OR4F16: variants seen among roughly 807,000 people sequenced by gnomAD.
OR4F16 encodes the protein olfactory receptor 4F3/4F16/4F29.
At chr1:702,438 A>T in the OR4F16 span, 2 of 144,398 alleles carry the variant, frequency 1.4e-5, no homozygotes, top group Non-Finnish European at 3.0e-5. Context: ...CCTAATTATG[A>T]TTTCTTTGTA....
the OR4F16 span, among the ~76,000 whole-genome samples, chr1:680,264 G>A: frequency 2.2e-5 from 1 of 45,604 alleles, no homozygotes; most frequent in African/African-American, 9.0e-5. Flanking sequence ...ATACTGAATG[G>A]TGAAAAACTG....
chr1:690,124 A>G (rs1643038042), upstream of OR4F16, among the ~76,000 whole-genome samples: 1 of 106,624 alleles, frequency 9.4e-6, no homozygotes, highest in Non-Finnish European at 1.8e-5. Context: ...TTCTTTGAAA[A>G]GCACAGATGA....
the OR4F16 span, chr1:701,976 A>T: frequency 1.3e-5 from 2 of 149,568 alleles, no homozygotes; most frequent in Non-Finnish European, 3.0e-5. Context: ...GAAAAACACA[A>T]ATCTTTCATT....
the OR4F16 span, among the ~76,000 whole-genome samples, chr1:692,980 T>A: frequency 2.4e-5 from 3 of 126,166 alleles, no homozygotes; most frequent in African/African-American, 9.9e-5. Context: ...AAGTACAAAT[T>A]CAACATGTAA....
the OR4F16 span, among the ~76,000 whole-genome samples, chr1:701,738 C>T: frequency 2.7e-5 from 4 of 149,718 alleles, no homozygotes; most frequent in East Asian, 2.0e-4. Context: ...CTCATGAACA[C>T]AAAGAATAAA....
chr1:701,564 G>A, the OR4F16 span, among the ~76,000 whole-genome samples: 1 of 150,256 alleles, frequency 6.7e-6, no homozygotes, highest in Non-Finnish European at 1.5e-5. Flanking sequence ...TTATATGCAG[G>A]CTGTACATAT....
chr1:702,306 C>T, the OR4F16 span: 1 of 142,814 alleles, frequency 7.0e-6, no homozygotes, highest in Non-Finnish European at 1.5e-5. Flanking sequence ...AAAATCACGC[C>T]ATTGCACTCC....
chr1:701,658 A>G, the OR4F16 span, among the ~76,000 whole-genome samples: 2 of 150,076 alleles, frequency 1.3e-5, no homozygotes, highest in African/African-American at 5.0e-5. Context: ...TATCCTTAGC[A>G]AACTAATGCA....
the OR4F16 span, among the ~76,000 whole-genome samples, chr1:701,631 A>G: frequency 2.0e-5 from 3 of 149,970 alleles, 1 homozygote; most frequent in African/African-American, 7.5e-5. Flanking sequence ...TTGCTGGAAC[A>G]TGGATGGACC....
chr1:702,345 C>T, the OR4F16 span: 1 of 146,592 alleles, frequency 6.8e-6, no homozygotes. Flanking sequence ...AAGACTCTGT[C>T]GGGGAAAAAA....
At chr1:715,452 G>A in the OR4F16 span, among the ~76,000 whole-genome samples, 1 of 18,396 alleles carries the variant, frequency 5.4e-5, no homozygotes, top group East Asian at 1.0e-3. Flanking sequence ...TAGAAAATTG[G>A]CTAAGTTGTG....
At chr1:702,399 CTATTGTGTGTTAA>C in the OR4F16 span, 11 of 149,590 alleles carry the variant, frequency 7.4e-5, no homozygotes, top group Non-Finnish European at 7.4e-5. Flanking sequence ...AGTGTTACCA[CTATTGTGTGTTAA>C]TATTGTAGAA....
chr1:713,988 CATT>C, the OR4F16 span, among the ~76,000 whole-genome samples: 1 of 142,190 alleles, frequency 7.0e-6, no homozygotes, highest in Non-Finnish European at 1.5e-5. Context: ...TTATACTGGG[CATT>C]ATATACACAT....
At chr1:691,336 G>T (rs1643061327), upstream of OR4F16, among the ~76,000 whole-genome samples, 1 of 151,588 alleles carries the variant, frequency 6.6e-6, no homozygotes, top group Non-Finnish European at 1.5e-5. Flanking sequence ...ATTAGACCTG[G>T]CTTTAGGTAA....
chr1:701,311 T>G, the OR4F16 span, among the ~76,000 whole-genome samples: 1 of 149,952 alleles, frequency 6.7e-6, no homozygotes, highest in Non-Finnish European at 1.5e-5. Context: ...AGTCATATTC[T>G]GATGGGAGAA....
the OR4F16 span, chr1:702,299 A>T: frequency 2.3e-4 from 33 of 143,864 alleles, no homozygotes. Context: ...GTGAGCCAAA[A>T]TCACGCCATT....
upstream of OR4F16, among the ~76,000 whole-genome samples, chr1:691,254 T>C (rs1279813661): frequency 6.6e-6 from 1 of 152,032 alleles, no homozygotes; most frequent in Non-Finnish European, 1.5e-5. Flanking sequence ...GAGGCCTACC[T>C]ACATAAGTGA....
chr1:690,546 G>T (rs1473342723), upstream of OR4F16, among the ~76,000 whole-genome samples: 21 of 144,178 alleles, frequency 1.5e-4, no homozygotes, highest in African/African-American at 5.4e-4. Context: ...GGTTGACCAG[G>T]CCTGATTTTT....
the OR4F16 span, among the ~76,000 whole-genome samples, chr1:702,664 G>A: frequency 6.7e-5 from 2 of 29,716 alleles, no homozygotes; most frequent in Non-Finnish European, 7.0e-5. Flanking sequence ...TAAATCTGTG[G>A]ATTAAGTAAT....
Sources: allele counts gnomAD v4.1 joint callset (sites outside exome capture counted in the v4.1 genomes callset), GRCh38; gene constraint gnomAD v4.1.1; transcripts MANE v1.5; gene names NCBI Gene and HGNC (gene_info 2026-07-23, HGNC 2026-07-21).